The following DDX56 variants were observed in gnomAD, a reference collection of about 807,000 sequenced individuals.
The protein encoded by DDX56 is DEAD-box helicase 56.
DDX56 carries 45 observed loss-of-function variants against 61.5 expected under a neutral mutation model. That is an observed-to-expected ratio of 0.73 (90% CI 0.58 to 0.94). DDX56 has a LOEUF of 0.94. Ranked by LOEUF, DDX56 falls within the 40% of genes least tolerant of loss-of-function variation. DDX56 has a pLI of 0.00. For missense variants in DDX56, 708 were observed against 690.7 expected, an observed-to-expected ratio of 1.02 and a Z score of -0.28; for synonymous variants, 273 against 268.3, an observed-to-expected ratio of 1.02 and a Z score of -0.17.
At chr7:44,566,268 G>A in intron 13 of DDX56, 180 bp downstream of exon 13, 1 of 716,960 alleles carries the variant, frequency 1.4e-6, no homozygotes. Flanking sequence ...GCAGGCGGCT[G>A]CAAAAGTACC....
Position 44,571,533 on chromosome 7 carries a change from G to A in DDX56, c.849C>T (p.Ile283=). Residue 283 remains isoleucine, a synonymous_variant, in exon 6 of 14, where the codon ATC becomes ATT. Transcript: ENST00000258772. ...GCTCTCCATTGAGCACACAGGTGGG[G>A]ATGCTGAACTGTTCCAAGAACAGGC... The part of the protein sequence containing the change: ...RLRLFLEQFS[I]PTCVLNGELP... 1 of 1,614,116 alleles carries A rather than the reference G, an allele frequency of 6.2e-7. No individual in the cohort carries two copies. Among genetic ancestry groups the A allele is most frequent in the Non-Finnish European group, 8.5e-7 (1 of 1,180,030 alleles).
intron 12 of DDX56, chr7:44,567,877 C>T: frequency 1.8e-6 from 1 of 561,536 alleles, no homozygotes; most frequent in Non-Finnish European, 3.2e-6. Context: ...GCCACCCACC[C>T]TGCACTACCT....
rs373974976 is a variant in DDX56 at position 44,566,444 on chromosome 7, G to C, written c.1566+4C>G. 1 of 1,553,000 alleles carries C rather than the reference G, an allele frequency of 6.4e-7. No homozygotes were observed. Among genetic ancestry groups the C allele is most frequent in the African/African-American group, 1.4e-5 (1 of 72,952 alleles). On this transcript the variant is annotated splice_donor_region_variant and intron_variant, in intron 13 of 13. Coordinates refer to ENST00000258772, the MANE Select transcript of DDX56 (RefSeq NM_019082.4). ...GGGCTGTCCGCAGTCCCCAGGAGCC[G>C]TACCTTGGCCTTCCTACAAGAGGAA...
chr7:44,569,678 C>A, intron 9 of DDX56, 131 bp downstream of exon 9: 1 of 803,618 alleles, frequency 1.2e-6, no homozygotes, highest in East Asian at 2.7e-5. Flanking sequence ...CCACTCAGGG[C>A]AGAACAAGGA....
At chr7:44,567,897 C>T in intron 12 of DDX56, 1 of 582,340 alleles carries the variant, frequency 1.7e-6, no homozygotes, top group Admixed American at 2.8e-5. Context: ...TCAATTTCCT[C>T]ATCTCTAAAA....
intron 3 of DDX56, 42 bp from the exon 4 acceptor site, chr7:44,572,786 G>C: frequency 6.2e-7 from 1 of 1,610,040 alleles, no homozygotes; most frequent in Non-Finnish European, 8.5e-7. Flanking sequence ...GAATGTAGCA[G>C]CTGGGATCTC....
chr7:44,569,103 A>G, intron 10 of DDX56, 27 bp downstream of exon 10: 1 of 1,613,208 alleles, frequency 6.2e-7, no homozygotes, highest in Non-Finnish European at 8.5e-7. Context: ...CTCCCCTCTC[A>G]TTCCCCTCCC....
chr7:44,569,104 TTCCCC>T (rs1562583652), intron 10 of DDX56, 21 bp downstream of exon 10: 1 of 1,613,032 alleles, frequency 6.2e-7, no homozygotes, highest in East Asian at 2.2e-5. Context: ...TCCCCTCTCA[TTCCCC>T]TCCCCACCAC....
chr7:44,566,289 A>G, intron 13 of DDX56, 159 bp downstream of exon 13: 1 of 773,680 alleles, frequency 1.3e-6, no homozygotes, highest in Non-Finnish European at 2.2e-6. Flanking sequence ...CCTATCCCAC[A>G]CCAGATTTTT....
At chr7:44,569,633 T>A in intron 9 of DDX56, 176 bp downstream of exon 9, 1 of 642,596 alleles carries the variant, frequency 1.6e-6, no homozygotes, top group Non-Finnish European at 2.7e-6. Context: ...ACAAATTACC[T>A]CAATTTGTTT....
In DDX56 at chr7:44,570,220, T is replaced by G. The variant is rs962514681; in HGVS notation, c.1011-92A>C. On this transcript the variant is annotated intron_variant, in intron 7 of 13. Transcript: ENST00000258772. ...CAGCAAAACTTCCTCTAAATGCCTG[T>G]AGATCATAAGACCCTGACATACAGA... The G allele has an allele frequency of 1.1e-5, 17 of 1,483,386 alleles. No individual in the cohort carries two copies. The Admixed American group carries it at 2.6e-4, about 22-fold the overall frequency. 91.9% of individuals were successfully genotyped at this position (1,483,386 alleles called of 1,614,324 possible).
Position 44,573,652 on chromosome 7 carries a change from G to C in DDX56, c.153C>G (p.Ala51=). The change falls in exon 2 of 14, where the codon GCC becomes GCG. Residue 51 remains alanine (A), a synonymous_variant. Transcript: ENST00000258772. ...ALEGKDLLAR[A]RTGSGKTAAY... is the part of the protein sequence containing the mutation. ...CGGCCGTCTTCCCGGAGCCCGTGCG[G>C]GCCCGAGCCAGGAGGTCCTTCCCTT... 1 of 1,613,754 alleles carries C rather than the reference G, an allele frequency of 6.2e-7. No homozygotes were observed. The highest frequency in any genetic ancestry group is 8.5e-7 in the Non-Finnish European group (1 of 1,180,038).
chr7:44,567,985 C>T (rs183173243), intron 12 of DDX56, 133 bp downstream of exon 12: 12 of 728,794 alleles, frequency 1.6e-5, no homozygotes, highest in Admixed American at 1.0e-4. Context: ...TACATGCCCG[C>T]GTGCTGCCAG....
At position 44,565,891 on chromosome 7, in the gene DDX56, C is replaced by T. The variant is rs1195979269; in HGVS notation, c.*111G>A. On this transcript the variant is annotated 3_prime_UTR_variant, in exon 14 of 14. Transcript: ENST00000258772. ...GAGCTAAAGGGCCCAGCACTGCCGGCCCCAGAACTGTCTGTTCAGGCTGTG... is the reference window on the plus strand; with the variant it reads ...GAGCTAAAGGGCCCAGCACTGCCGGTCCCAGAACTGTCTGTTCAGGCTGTG... 7.0e-6 allele frequency: 6 copies of T among 854,346 alleles called. No individual in the cohort carries two copies. The African/African-American group carries it at 9.9e-5, about 14-fold the overall frequency. The allele number at this position is 854,346 out of a possible 1,614,324, so 52.9% of individuals were successfully genotyped here.
chr7:44,573,647 G>C lies in DDX56; in HGVS notation c.158C>G (p.Thr53Arg). The change falls in exon 2 of 14, where the codon ACG becomes AGG. Residue 53 changes from threonine (T) to arginine (R), a missense_variant. Thr to Arg is a moderately conservative substitution (Grantham distance 71, BLOSUM62 -1). Transcript: ENST00000258772. ...ATAAGCGGCCGTCTTCCCGGAGCCC[G>C]TGCGGGCCCGAGCCAGGAGGTCCTT... ...EGKDLLARARTGSGKTAAYAI... is the reference protein window; with the variant it reads ...EGKDLLARARRGSGKTAAYAI... 3 of 1,613,724 alleles carry C rather than the reference G, an allele frequency of 1.9e-6. No individual in the cohort carries two copies. The highest frequency in any genetic ancestry group is 2.5e-6 in the Non-Finnish European group (3 of 1,180,032).
intron 8 of DDX56, 40 bp downstream of exon 8, chr7:44,569,975 T>C: frequency 1.9e-6 from 3 of 1,613,616 alleles, no homozygotes; most frequent in Non-Finnish European, 2.5e-6. Flanking sequence ...AGTCCCTCAG[T>C]GTGCCTACCA....
Position 44,566,031 on chromosome 7 carries a change from T to G in DDX56, c.1615A>C (p.Lys539Gln), listed in dbSNP as rs1486099793. ...GAGGGCTTGGCTGTGGGTCTGAATT[T>G]CTTTCCTTTGTGCTTGAAGCTGCGC... ...PLRSFKHKGK[K>Q]FRPTAKPS The change falls in exon 14 of 14, where the codon AAA becomes CAA. Residue 539 changes from lysine (K) to glutamine (Q), a missense_variant. By Grantham distance (53) the Lys-to-Gln change is moderately conservative. Coordinates refer to ENST00000258772, the MANE Select transcript of DDX56 (RefSeq NM_019082.4). The G allele has an allele frequency of 2.5e-6, 4 of 1,612,982 alleles. No homozygotes were observed. In the Admixed American group the frequency reaches 5.0e-5, roughly 20 times the overall value.
chr7:44,569,088 A>G (rs1371024088), intron 10 of DDX56, 42 bp downstream of exon 10: 5 of 1,612,546 alleles, frequency 3.1e-6, no homozygotes, highest in African/African-American at 1.3e-5. Context: ...CCTGGGCCAC[A>G]GCCCCTCCCC....
chr7:44,569,168 G>C lies in DDX56; in HGVS notation c.1255C>G (p.Arg419Gly), dbSNP rs375143988. ...CGGAAGCCCTCGATCTCCTCCATCC[G>C]GAACTGGTAGGGGAGCAGAATGGGG... ...RGPILLPYQF[R>G]MEEIEGFRYR... Residue 419 changes from arginine to glycine, a missense_variant, in exon 10 of 14, where the codon CGG (arginine) becomes GGG (glycine). Arg to Gly is a moderately radical substitution (Grantham distance 125, BLOSUM62 -2). Coordinates refer to ENST00000258772, the MANE Select transcript of DDX56 (RefSeq NM_019082.4). The C allele has an allele frequency of 6.2e-7, 1 of 1,614,120 alleles. No homozygotes were observed. Among genetic ancestry groups the C allele is most frequent in the Non-Finnish European group, 8.5e-7 (1 of 1,180,026 alleles).
Sources: gnomAD v4.1 joint callset for allele counts on GRCh38, gnomAD v4.1.1 for gene constraint, MANE v1.5 for transcripts, NCBI Gene and HGNC (gene_info 2026-07-23, HGNC 2026-07-21) for gene names.